Variants in ANKS1B observed in about 807,000 individuals in gnomAD.
ANKS1B encodes the protein ankyrin repeat and sterile alpha motif domain-containing protein 1B.
In ANKS1B, 36 loss-of-function variants were observed where a neutral mutation model predicts 148.3. The ratio of observed to expected loss-of-function variants is 0.24; its 90% CI spans 0.19 to 0.32. ANKS1B has a LOEUF of 0.32. Ranked by LOEUF, ANKS1B falls within the 10% of genes least tolerant of loss-of-function variation. The probability of loss-of-function intolerance (pLI) is 1.00; values close to 1 mark genes in which losing one functional copy is unlikely to be tolerated. For missense variants in ANKS1B, 1,157 were observed against 1,542.6 expected (o/e 0.75, Z 4.19); for synonymous variants, 542 against 560.8 (o/e 0.97, Z 0.47).
chr12:99,818,667 A>G (rs1048628966), intron 2 of ANKS1B, among the ~76,000 whole-genome samples: 3 of 151,894 alleles, frequency 2.0e-5, no homozygotes, highest in African/African-American at 7.2e-5. Flanking sequence ...GGAAATAGAA[A>G]TGGAAAAATA....
intron 4 of ANKS1B, among the ~76,000 whole-genome samples, chr12:99,786,109 T>A (rs2064985523): frequency 6.6e-6 from 1 of 152,228 alleles, no homozygotes; most frequent in Admixed American, 6.5e-5. Context: ...TTCTGATTAC[T>A]AATTTGATTC....
At chr12:99,381,187 T>C (rs1466660435) in intron 12 of ANKS1B, among the ~76,000 whole-genome samples, 6 of 151,960 alleles carry the variant, frequency 3.9e-5, no homozygotes, top group Admixed American at 2.6e-4. Context: ...AGAATAAATT[T>C]CTGTTGTATC....
chr12:99,517,774 G>A (rs914326899), intron 9 of ANKS1B, among the ~76,000 whole-genome samples: 3 of 152,082 alleles, frequency 2.0e-5, no homozygotes, highest in African/African-American at 7.2e-5. Flanking sequence ...GGTGGCAAAA[G>A]TGATAATCCT....
intron 17 of ANKS1B, among the ~76,000 whole-genome samples, chr12:98,900,579 G>A (rs140090278): frequency 6.4e-4 from 98 of 152,300 alleles, no homozygotes; most frequent in African/African-American, 2.3e-3. Flanking sequence ...GAAAGTAAGA[G>A]AGAGTGAGAG....
intron 12 of ANKS1B, among the ~76,000 whole-genome samples, chr12:99,278,638 C>T (rs1239864692): frequency 6.6e-6 from 1 of 152,146 alleles, no homozygotes; most frequent in Middle Eastern, 3.2e-3. Flanking sequence ...CCTCCCCAAG[C>T]TGAGTTAAAT....
At chr12:98,759,949 C>G (rs2098364136) in intron 25 of ANKS1B, among the ~76,000 whole-genome samples, 1 of 152,064 alleles carries the variant, frequency 6.6e-6, no homozygotes, top group Non-Finnish European at 1.5e-5. Context: ...CACTGCATTC[C>G]AGCCTGGGTG....
chr12:99,299,584 C>T (rs947425648), intron 12 of ANKS1B, among the ~76,000 whole-genome samples: 1 of 152,128 alleles, frequency 6.6e-6, no homozygotes, highest in African/African-American at 2.4e-5. Flanking sequence ...CTGTTGCTTT[C>T]CAGTAATGTG....
At chr12:99,343,511 A>C (rs1358708177) in intron 12 of ANKS1B, among the ~76,000 whole-genome samples, 1 of 151,934 alleles carries the variant, frequency 6.6e-6, no homozygotes, top group Non-Finnish European at 1.5e-5. Context: ...TCTGAATCTC[A>C]TTGTCAGCTG....
chr12:99,281,039 C>T (rs900826900), intron 12 of ANKS1B, among the ~76,000 whole-genome samples: 5 of 152,078 alleles, frequency 3.3e-5, no homozygotes, highest in African/African-American at 7.2e-5. Flanking sequence ...AGAATCCTTG[C>T]TCTCTTCTCT....
At chr12:99,514,310 C>T (rs548032531) in intron 9 of ANKS1B, among the ~76,000 whole-genome samples, 4 of 152,110 alleles carry the variant, frequency 2.6e-5, no homozygotes, top group African/African-American at 9.6e-5. Context: ...GGGCAAGAAC[C>T]ATGATAATCT....
At chr12:99,939,901 T>A (rs2094876947) in intron 1 of ANKS1B, among the ~76,000 whole-genome samples, 1 of 152,176 alleles carries the variant, frequency 6.6e-6, no homozygotes, top group Admixed American at 6.5e-5. Context: ...AATGGACAGC[T>A]AATAAAATTA....
chr12:98,968,591 A>C (rs1226492767), intron 17 of ANKS1B, among the ~76,000 whole-genome samples: 2 of 152,226 alleles, frequency 1.3e-5, no homozygotes, highest in African/African-American at 4.8e-5. Flanking sequence ...GCTCACTTCC[A>C]TACAACTTTG....
chr12:99,010,113 T>C (rs1353860455), intron 17 of ANKS1B, among the ~76,000 whole-genome samples: 1 of 152,186 alleles, frequency 6.6e-6, no homozygotes, highest in Non-Finnish European at 1.5e-5. Context: ...CATTTGATGT[T>C]CTCTGTCATT....
intron 9 of ANKS1B, among the ~76,000 whole-genome samples, chr12:99,627,032 T>C (rs1399331481): frequency 1.3e-5 from 2 of 152,168 alleles, no homozygotes; most frequent in African/African-American, 4.8e-5. Flanking sequence ...CCCTGATAAT[T>C]TTACATGCTT....
At chr12:98,905,150 G>A (rs1235017582) in intron 17 of ANKS1B, among the ~76,000 whole-genome samples, 1 of 152,110 alleles carries the variant, frequency 6.6e-6, no homozygotes, top group Non-Finnish European at 1.5e-5. Context: ...GAGGTTCATT[G>A]ACTAGCTCAA....
chr12:99,577,720 G>A (rs1412189799), intron 9 of ANKS1B, among the ~76,000 whole-genome samples: 1 of 151,938 alleles, frequency 6.6e-6, no homozygotes, highest in African/African-American at 2.4e-5. Context: ...AACTGAATCT[G>A]TAATAATAAA....
intron 15 of ANKS1B, among the ~76,000 whole-genome samples, chr12:99,114,868 G>T (rs1566171541): frequency 6.6e-6 from 1 of 151,954 alleles, no homozygotes. Context: ...AGAATCATAT[G>T]AAAAAAAGCT....
At chr12:99,588,655 G>A (rs2097668433) in intron 9 of ANKS1B, among the ~76,000 whole-genome samples, 2 of 151,996 alleles carry the variant, frequency 1.3e-5, no homozygotes, top group Non-Finnish European at 2.9e-5. Context: ...AAATGGTTTT[G>A]AATTTTTTTT....
intron 10 of ANKS1B, among the ~76,000 whole-genome samples, chr12:99,474,618 G>A (rs1457402283): frequency 6.6e-6 from 1 of 151,718 alleles, no homozygotes; most frequent in East Asian, 1.9e-4. Context: ...CAAAATAACA[G>A]AAATGAAAAT....
Sources: gnomAD v4.1 joint callset for allele counts (sites outside exome capture counted in the v4.1 genomes callset) on GRCh38, gnomAD v4.1.1 for gene constraint, MANE v1.5 for transcripts, NCBI Gene and HGNC (gene_info 2026-07-23, HGNC 2026-07-21) for gene names.